ZNF385D: variants seen among roughly 807,000 people sequenced by gnomAD.
ZNF385D encodes zinc finger protein 385D, also known as zinc finger protein 659.
In ZNF385D, 15 loss-of-function variants were observed where a neutral mutation model predicts 35.8. The observed-to-expected ratio is 0.42, with a 90% CI of 0.28 to 0.64. ZNF385D has a LOEUF of 0.64. Ranked by LOEUF, ZNF385D falls within the 30% of genes least tolerant of loss-of-function variation. ZNF385D has a pLI of 0.23. For missense variants in ZNF385D, 474 were observed against 494.6 expected, an observed-to-expected ratio of 0.96 and a Z score of 0.39; for synonymous variants, 212 against 186.8, an observed-to-expected ratio of 1.13 and a Z score of -1.10.
intron 2 of ZNF385D, among the ~76,000 whole-genome samples, chr3:22,243,736 T>C (rs1007269855): frequency 2.7e-5 from 4 of 150,836 alleles, no homozygotes; most frequent in Non-Finnish European, 4.4e-5. Context: ...CTCTCAGATA[T>C]TGAGCCTGGA....
chr3:22,026,476 T>C (rs1213593238), intron 3 of ZNF385D, among the ~76,000 whole-genome samples: 2 of 152,174 alleles, frequency 1.3e-5, no homozygotes, highest in Non-Finnish European at 2.9e-5. Flanking sequence ...TTTTAGGGGA[T>C]CCAGAATGTC....
chr3:21,577,812 CT>C (rs779083360), intron 2 of ZNF385D, among the ~76,000 whole-genome samples: 160 of 133,432 alleles, frequency 1.2e-3, no homozygotes, highest in South Asian at 1.9e-3. Flanking sequence ...TATTTTTTTT[CT>C]TTTTTTTTTT....
At chr3:21,426,855 T>C (rs1462483408) in intron 5 of ZNF385D, among the ~76,000 whole-genome samples, 2 of 152,228 alleles carry the variant, frequency 1.3e-5, no homozygotes. Context: ...TCTAGCCACA[T>C]GTTTCCCTTC....
chr3:21,760,440 G>C (rs943323739), intron 3 of ZNF385D, among the ~76,000 whole-genome samples: 4 of 152,074 alleles, frequency 2.6e-5, no homozygotes, highest in Non-Finnish European at 2.9e-5. Flanking sequence ...ATCTTCAAAA[G>C]GTAAACAAAG....
intron 3 of ZNF385D, among the ~76,000 whole-genome samples, chr3:21,823,794 G>T (rs1028380951): frequency 2.0e-5 from 3 of 152,092 alleles, no homozygotes; most frequent in Admixed American, 6.5e-5. Flanking sequence ...AGATTGTGCC[G>T]CATTGTCAGA....
At chr3:22,188,111 T>C (rs1256381174) in intron 2 of ZNF385D, among the ~76,000 whole-genome samples, 1 of 152,150 alleles carries the variant, frequency 6.6e-6, no homozygotes, top group Non-Finnish European at 1.5e-5. Context: ...AGGAAGAGCC[T>C]TAAGAGGCAG....
chr3:22,029,773 G>C (rs1437387507), intron 3 of ZNF385D, among the ~76,000 whole-genome samples: 1 of 152,102 alleles, frequency 6.6e-6, no homozygotes, highest in Admixed American at 6.5e-5. Context: ...AAGGGTAGTT[G>C]TATTATGTTA....
chr3:21,765,886 T>C (rs1300644144), intron 3 of ZNF385D, among the ~76,000 whole-genome samples: 1 of 152,132 alleles, frequency 6.6e-6, no homozygotes, highest in African/African-American at 2.4e-5. Flanking sequence ...GCAACTTTAA[T>C]ATGTGTCTGT....
chr3:22,176,148 T>G (rs908177362), intron 2 of ZNF385D, among the ~76,000 whole-genome samples: 11 of 151,988 alleles, frequency 7.2e-5, no homozygotes, highest in African/African-American at 2.7e-4. Flanking sequence ...TTACTATAAT[T>G]CTGTAAATAT....
chr3:22,365,921 T>C (rs1385410478), intron 2 of ZNF385D, among the ~76,000 whole-genome samples: 1 of 152,156 alleles, frequency 6.6e-6, no homozygotes, highest in Non-Finnish European at 1.5e-5. Flanking sequence ...CCTGTAGGAT[T>C]TATTGTACCT....
At chr3:22,169,005 T>C in exon 3 of ZNF385D, 1 of 985,868 alleles carries the variant, frequency 1.0e-6, no homozygotes. Flanking sequence ...TAATTCAGCC[T>C]CACTCTCGCC....
chr3:21,514,040 G>T (rs554098508), intron 3 of ZNF385D, among the ~76,000 whole-genome samples: 2 of 152,094 alleles, frequency 1.3e-5, no homozygotes, highest in East Asian at 3.9e-4. Flanking sequence ...GCCTAAGAAA[G>T]AATTTTACTG....
chr3:21,745,306 G>C (rs1347695395), intron 1 of ZNF385D, among the ~76,000 whole-genome samples: 6 of 152,188 alleles, frequency 3.9e-5, no homozygotes, highest in Non-Finnish European at 7.4e-5. Flanking sequence ...TGATAAGAAA[G>C]AAAAGAGATT....
At chr3:22,260,926 A>T (rs1700594229) in intron 2 of ZNF385D, among the ~76,000 whole-genome samples, 1 of 152,100 alleles carries the variant, frequency 6.6e-6, no homozygotes, top group African/African-American at 2.4e-5. Flanking sequence ...CCATTATGCT[A>T]CTATTTCAAA....
At chr3:21,925,379 T>G (rs757307958) in intron 3 of ZNF385D, among the ~76,000 whole-genome samples, 1 of 152,128 alleles carries the variant, frequency 6.6e-6, no homozygotes, top group Non-Finnish European at 1.5e-5. Context: ...GCAAAATTCA[T>G]TGAAGAACAA....
chr3:22,019,754 A>G (rs1261497728), intron 3 of ZNF385D, among the ~76,000 whole-genome samples: 1 of 151,918 alleles, frequency 6.6e-6, no homozygotes, highest in African/African-American at 2.4e-5. Context: ...GAACAGCTAC[A>G]TTAATCTATG....
At chr3:21,841,124 T>C (rs1412235253) in intron 3 of ZNF385D, among the ~76,000 whole-genome samples, 1 of 152,052 alleles carries the variant, frequency 6.6e-6, no homozygotes, top group Middle Eastern at 3.2e-3. Flanking sequence ...TTCAGAGCAA[T>C]GATGGCACCT....
chr3:22,260,949 CAT>C (rs1198405221), intron 2 of ZNF385D, among the ~76,000 whole-genome samples: 1 of 151,912 alleles, frequency 6.6e-6, no homozygotes, highest in African/African-American at 2.4e-5. Context: ...TACATTAAAA[CAT>C]ATTTATCACG....
intron 2 of ZNF385D, among the ~76,000 whole-genome samples, chr3:22,348,711 G>C (rs1182346308): frequency 6.6e-6 from 1 of 151,744 alleles, no homozygotes; most frequent in Non-Finnish European, 1.5e-5. Context: ...AGGGAGGAGA[G>C]AGAAAGTAGG....
Sources: allele counts gnomAD v4.1 joint callset (sites outside exome capture counted in the v4.1 genomes callset), GRCh38; gene constraint gnomAD v4.1.1; transcripts MANE v1.5; gene names NCBI Gene and HGNC (gene_info 2026-07-23, HGNC 2026-07-21).